Variants in WARS2 observed in about 807,000 individuals in gnomAD.
The protein encoded by WARS2 is tryptophanyl tRNA synthetase 2, mitochondrial, also known as tryptophan--tRNA ligase, mitochondrial.
In WARS2, 28 loss-of-function variants were observed where a neutral mutation model predicts 36.5. That is an observed-to-expected ratio of 0.77 (90% CI 0.57 to 1.05). WARS2 has a LOEUF of 1.05. WARS2 is among the 50% of genes least tolerant of loss of function. The pLI, the probability that WARS2 is intolerant of heterozygous loss-of-function variation, is 0.00. For synonymous variants in WARS2, 174 were observed against 178.4 expected (o/e 0.98, Z 0.20); for missense variants, 435 against 456.8 (o/e 0.95, Z 0.44).
chr1:119,035,328 A>G (rs1647784575), intron 4 of WARS2, among the ~76,000 whole-genome samples: 2 of 152,114 alleles, frequency 1.3e-5, no homozygotes, highest in Non-Finnish European at 1.5e-5. Context: ...AAGAAACAAT[A>G]TTGCTCCTGT....
chr1:119,087,833 C>T (rs587678572), intron 1 of WARS2, among the ~76,000 whole-genome samples: 25 of 152,316 alleles, frequency 1.6e-4, no homozygotes, highest in African/African-American at 6.0e-4. Context: ...GCCCTGGCCA[C>T]TGCTGGTGGA....
chr1:119,137,339 C>T (rs1368529382), intron 1 of WARS2, among the ~76,000 whole-genome samples: 5 of 152,032 alleles, frequency 3.3e-5, no homozygotes, highest in African/African-American at 4.8e-5. Flanking sequence ...TTTTAAACCA[C>T]GCTTTTTTTC....
At chr1:119,122,245 C>T (rs1436245868) in intron 1 of WARS2, among the ~76,000 whole-genome samples, 1 of 152,084 alleles carries the variant, frequency 6.6e-6, no homozygotes, top group Non-Finnish European at 1.5e-5. Context: ...CATGAATAGA[C>T]AATTCTCAAA....
At chr1:119,108,315 G>A (rs780607497) in intron 1 of WARS2, among the ~76,000 whole-genome samples, 1 of 151,872 alleles carries the variant, frequency 6.6e-6, no homozygotes, top group Non-Finnish European at 1.5e-5. Context: ...ATCAAGGCCT[G>A]GTACTTTATA....
At chr1:119,077,062 T>TG (rs1651796549) in intron 1 of WARS2, among the ~76,000 whole-genome samples, 1 of 139,780 alleles carries the variant, frequency 7.2e-6, no homozygotes, top group African/African-American at 2.7e-5. Context: ...TGCTTGAACC[T>TG]GGGAGGTGGA....
At chr1:119,076,630 T>C (rs1651754311) in intron 1 of WARS2, 23 bp from the exon 2 acceptor site, 2 of 1,612,838 alleles carry the variant, frequency 1.2e-6, no homozygotes, top group Admixed American at 1.7e-5. Flanking sequence ...AAAACAAGCA[T>C]ATTTGCTTTT....
rs1259795676 is a variant in WARS2 at position 119,097,316 on chromosome 1, T to C, written c.91-20709A>G. ...AAAGTATTTTTCAAGTTCTCTCATA[T>C]TTCTGACAATTTTAACTTTTTCCTG... On this transcript the variant is annotated intron_variant, in intron 1 of 5. Coordinates refer to ENST00000235521, the MANE Select transcript of WARS2 (RefSeq NM_015836.4). 3.3e-5 allele frequency among the ~76,000 whole-genome samples: 5 copies of C among 152,324 alleles called. No homozygotes were observed. In the East Asian group the frequency reaches 7.7e-4, roughly 23 times the overall value.
At chr1:119,051,045 T>A (rs945609369) in intron 2 of WARS2, among the ~76,000 whole-genome samples, 3 of 152,264 alleles carry the variant, frequency 2.0e-5, no homozygotes, top group African/African-American at 7.2e-5. Context: ...TTAAATTTTA[T>A]TTTAGGTTCA....
At chr1:119,098,200 G>T (rs1005329358) in intron 1 of WARS2, among the ~76,000 whole-genome samples, 1 of 152,022 alleles carries the variant, frequency 6.6e-6, no homozygotes. Flanking sequence ...AGTGAGCCAA[G>T]ATCGTGCCAC....
chr1:119,115,913 A>AGT (rs1039668528), intron 1 of WARS2, among the ~76,000 whole-genome samples: 12 of 152,084 alleles, frequency 7.9e-5, no homozygotes, highest in South Asian at 4.2e-4. Context: ...ACATTAACCA[A>AGT]GTGTGTGTGT....
At chr1:119,108,760 C>T (rs1427476626) in intron 1 of WARS2, among the ~76,000 whole-genome samples, 3 of 151,864 alleles carry the variant, frequency 2.0e-5, no homozygotes, top group African/African-American at 4.8e-5. Context: ...TTATTTTCAA[C>T]TTAATGTGCT....
intron 1 of WARS2, among the ~76,000 whole-genome samples, chr1:119,088,269 C>T (rs1255908836): frequency 6.6e-6 from 1 of 152,150 alleles, no homozygotes; most frequent in Non-Finnish European, 1.5e-5. Flanking sequence ...CTGGGCACCA[C>T]CCCCAGAGAT....
intron 1 of WARS2, among the ~76,000 whole-genome samples, chr1:119,098,727 C>A (rs1291175321): frequency 1.3e-5 from 2 of 151,216 alleles, no homozygotes; most frequent in South Asian, 2.1e-4. Flanking sequence ...GCGTGAGCCA[C>A]CATGCCCGGG....
intron 2 of WARS2, among the ~76,000 whole-genome samples, chr1:119,046,357 T>C (rs1188490649): frequency 6.7e-6 from 1 of 150,172 alleles, no homozygotes; most frequent in Non-Finnish European, 1.5e-5. Context: ...CCCAATTTTT[T>C]TTTTTTTTTG....
At chr1:119,048,196 T>C (rs562686284) in intron 2 of WARS2, among the ~76,000 whole-genome samples, 1 of 152,268 alleles carries the variant, frequency 6.6e-6, no homozygotes, top group East Asian at 1.9e-4. Flanking sequence ...AGATACACAA[T>C]AAGCATTGCA....
At chr1:119,107,412 C>T (rs587638057) in intron 1 of WARS2, among the ~76,000 whole-genome samples, 28 of 152,164 alleles carry the variant, frequency 1.8e-4, no homozygotes, top group Middle Eastern at 3.4e-3. Flanking sequence ...TATAGTTTTG[C>T]ATTTTACATT....
intron 1 of WARS2, among the ~76,000 whole-genome samples, chr1:119,118,896 A>T (rs188857789): frequency 6.6e-6 from 1 of 152,304 alleles, no homozygotes; most frequent in East Asian, 1.9e-4. Context: ...GAATTCACCA[A>T]TCCCAAGCCA....
chr1:119,046,774 CTTT>C (rs71743174), intron 2 of WARS2, among the ~76,000 whole-genome samples: 4 of 141,238 alleles, frequency 2.8e-5, no homozygotes, highest in East Asian at 2.1e-4. Context: ...TCAACTGTGG[CTTT>C]TTTTTTTTTT....
At chr1:119,086,640 A>T (rs1023407048) in intron 1 of WARS2, among the ~76,000 whole-genome samples, 2 of 152,176 alleles carry the variant, frequency 1.3e-5, no homozygotes, top group African/African-American at 4.8e-5. Context: ...GACATTTTCA[A>T]AGTATTAATA....
Sources: gnomAD v4.1 joint callset for allele counts (sites outside exome capture counted in the v4.1 genomes callset) on GRCh38, gnomAD v4.1.1 for gene constraint, MANE v1.5 for transcripts, NCBI Gene and HGNC (gene_info 2026-07-23, HGNC 2026-07-21) for gene names.